VPS37B: variants seen among roughly 807,000 people sequenced by gnomAD.
The protein encoded by VPS37B is vacuolar protein sorting-associated protein 37B.
VPS37B carries 11 observed loss-of-function variants against 21.2 expected under a neutral mutation model. The observed-to-expected ratio is 0.52, with a 90% CI of 0.33 to 0.86. The LOEUF is 0.86. Among genes scored for constraint, VPS37B ranks in the 40% least tolerant of loss-of-function variants. The pLI, the probability that VPS37B is intolerant of heterozygous loss-of-function variation, is 0.03. For synonymous variants in VPS37B, 175 were observed against 159.6 expected (o/e 1.10, Z -0.73); for missense variants, 389 against 374.8 (o/e 1.04, Z -0.31).
Position 122,866,958 on chromosome 12 carries a change from C to A in VPS37B, c.*158G>T. 1 of 928,920 alleles carries A rather than the reference C, an allele frequency of 1.1e-6. No homozygotes were observed. Among genetic ancestry groups the A allele is most frequent in the Non-Finnish European group, 1.5e-6 (1 of 673,072 alleles). 57.5% of individuals were successfully genotyped at this position (928,920 alleles called of 1,614,324 possible). On this transcript the variant is annotated 3_prime_UTR_variant, in exon 4 of 4. Transcript: ENST00000267202. ...GCCTTGATGCCCAAAGCCTGGGCTC[C>A]TACTACTCACCACTGACCTACAGTT... is the stretch of plus-strand genomic sequence containing the variant.
In VPS37B at chr12:122,867,684, A is replaced by C. The variant is rs1278060491; in HGVS notation, c.367-77T>G. On this transcript the variant is annotated intron_variant, in intron 3 of 3. Transcript: ENST00000267202. The surrounding 1 kb of genome is among the most constrained non-coding windows in gnomAD (Gnocchi z 5.5). ...CCCTTCGTGGTCTAGGCACAAGGAG[A>C]GGCAACGCCCAGCTGCTTCCAACAC... 6.3e-7 allele frequency: 1 copy of C among 1,587,448 alleles called. No individual in the cohort carries two copies. Among genetic ancestry groups the C allele is most frequent in the Non-Finnish European group, 8.5e-7 (1 of 1,171,270 alleles).
chr12:122,885,692 T>A (rs1404732871), intron 1 of VPS37B: 26 of 136,676 alleles, frequency 1.9e-4, no homozygotes, highest in African/African-American at 5.8e-4. Context: ...TTTTTTTTTT[T>A]TTTTTTTTTG....
chr12:122,895,803 C>T, intron 1 of VPS37B, 149 bp downstream of exon 1: 1 of 664,972 alleles, frequency 1.5e-6, no homozygotes, highest in Non-Finnish European at 2.5e-6. Flanking sequence ...TCCCTGGCTC[C>T]CGCACCCCGC....
In VPS37B at chr12:122,895,990, C is replaced by G. The variant is rs1483947394; in HGVS notation, c.73G>C (p.Glu25Gln). ...TGCACCATCTCCGTCAGCTGGCCCT[C>G]GTCCTCCAGCAGCTCGTTGAGCTGC... ...LVQLNELLED[E>Q]GQLTEMVQKM... The change falls in exon 1 of 4, where the codon GAG becomes CAG. Residue 25 changes from glutamate (E) to glutamine (Q), a missense_variant. By Grantham distance (29) the Glu-to-Gln change is conservative. Coordinates refer to ENST00000267202, the MANE Select transcript of VPS37B (RefSeq NM_024667.3). 1 of 1,608,056 alleles carries G rather than the reference C, an allele frequency of 6.2e-7. No homozygotes were observed. Among genetic ancestry groups the G allele is most frequent in the Non-Finnish European group, 8.5e-7 (1 of 1,177,922 alleles).
chr12:122,893,706 C>T (rs1243615976), intron 1 of VPS37B, among the ~76,000 whole-genome samples: 1 of 148,696 alleles, frequency 6.7e-6, no homozygotes, highest in East Asian at 1.9e-4. Flanking sequence ...AAGCACTACA[C>T]CCAGAAAAGC....
chr12:122,887,214 A>T (rs745989299), intron 1 of VPS37B: 2 of 152,066 alleles, frequency 1.3e-5, no homozygotes, highest in Non-Finnish European at 2.9e-5. Flanking sequence ...CCTAACTCAT[A>T]TCCCAGCTTT....
intron 1 of VPS37B, chr12:122,888,763 A>G: frequency 2.9e-6 from 1 of 344,882 alleles, no homozygotes; most frequent in South Asian, 2.2e-5. Flanking sequence ...TCCTTCTCCC[A>G]ACCCACTAAT....
In VPS37B at chr12:122,866,874, C is replaced by A. The variant is rs993426253; in HGVS notation, c.*242G>T. ...AACGCTAAGATACTTAGAAATCACA[C>A]GGATAATGCAAACCGATGCAACGCA... On this transcript the variant is annotated 3_prime_UTR_variant, in exon 4 of 4. Transcript: ENST00000267202. 1 of 427,774 alleles carries A rather than the reference C, an allele frequency of 2.3e-6. No homozygotes were observed. Among genetic ancestry groups the A allele is most frequent in the Non-Finnish European group, 4.1e-6 (1 of 246,156 alleles). 26.5% of individuals were successfully genotyped at this position (427,774 alleles called of 1,614,324 possible).
intron 1 of VPS37B, chr12:122,871,863 A>G (rs962119873): frequency 2.1e-5 from 21 of 985,214 alleles, no homozygotes; most frequent in Non-Finnish European, 2.3e-5. Flanking sequence ...TAAAAAACAC[A>G]AACGCGTGGG....
At chr12:122,875,369 CCAGA>C (rs1182595572) in intron 1 of VPS37B, 5 of 151,894 alleles carry the variant, frequency 3.3e-5, no homozygotes, top group Middle Eastern at 3.2e-3. Flanking sequence ...GCCACCACAC[CCAGA>C]CAAATACAGT....
rs371992605 is a variant in VPS37B, at chr12:122,885,745, G to A, written c.111+10207C>T. 37 of 140,112 alleles carry A rather than the reference G, an allele frequency of 2.6e-4. 1 individual carries two copies. In the South Asian group the frequency reaches 5.0e-3, roughly 19 times the overall value. The allele number at this position is 140,112 out of a possible 1,614,324, so 8.7% of individuals were successfully genotyped here. ...GTCGCCCAGGCTGGAGTGCAGTGGC[G>A]CGATCTCGGCTCACTGCAAGCTCCG... On this transcript the variant is annotated intron_variant, in intron 1 of 3. Transcript: ENST00000267202.
Position 122,871,076 on chromosome 12 carries a change from C to T in VPS37B, c.112-15G>A, listed in dbSNP as rs771721255. The T allele has an allele frequency of 3.7e-6, 6 of 1,612,706 alleles. No homozygotes were observed. In the East Asian group the frequency reaches 8.9e-5, roughly 24 times the overall value. ...ACATTCTGTGTCTGCAAGGAACACA[C>T]AAGATGATGAGAACCAAAAGTATAT... On this transcript the variant is annotated splice_polypyrimidine_tract_variant and intron_variant, in intron 1 of 3. Coordinates refer to ENST00000267202, the MANE Select transcript of VPS37B (RefSeq NM_024667.3).
chr12:122,891,871 A>AT (rs2034416727), intron 1 of VPS37B, among the ~76,000 whole-genome samples: 1 of 152,182 alleles, frequency 6.6e-6, no homozygotes, highest in African/African-American at 2.4e-5. Flanking sequence ...CCACAAAACA[A>AT]CCTGTCTTTC....
intron 2 of VPS37B, 191 bp downstream of exon 2, chr12:122,870,699 C>T: frequency 1.8e-6 from 1 of 566,128 alleles, no homozygotes; most frequent in South Asian, 2.5e-5. Flanking sequence ...CACTGCACTC[C>T]AGTCTGACAG....
In VPS37B at chr12:122,867,440, G is replaced by A. The variant is rs2033929079; in HGVS notation, c.534C>T (p.Pro178=). The A allele has an allele frequency of 6.2e-7, 1 of 1,612,430 alleles. No individual in the cohort carries two copies. The highest frequency in any genetic ancestry group is 1.3e-5 in the African/African-American group (1 of 74,746). The part of the protein sequence containing the change: ...RLPQALAPLP[P]RLPELAPTAP... ...CGGTAGGTGCCAGTTCGGGCAGCCT[G>A]GGGGGCAGCGGGGCCAGGGCCTGTG... is the stretch of plus-strand genomic sequence containing the variant. The change falls in exon 4 of 4, where the codon CCC becomes CCT. Residue 178 remains proline (P), a synonymous_variant. Transcript: ENST00000267202. The surrounding 1 kb of genome is among the most constrained non-coding windows in gnomAD (Gnocchi z 5.5).
Position 122,895,954 on chromosome 12 carries a change from C to T in VPS37B, c.109G>A (p.Glu37Lys). 1.9e-6 allele frequency: 3 copies of T among 1,611,574 alleles called. No homozygotes were observed. Among genetic ancestry groups the T allele is most frequent in the Non-Finnish European group, 2.5e-6 (3 of 1,178,928 alleles). The change falls in exon 1 of 4, where the codon GAG becomes AAG. Residue 37 changes from glutamate (E) to lysine (K), a missense_variant and splice_region_variant. Physicochemically the swap from Glu to Lys is moderately conservative, Grantham distance 56 (BLOSUM62 1). Coordinates refer to ENST00000267202, the MANE Select transcript of VPS37B (RefSeq NM_024667.3). ...QLTEMVQKME[E>K]TQNVQLNKEM... ...GCCTTAAGCCCAGCTCGGCTCACCT[C>T]CTCCATCTTCTGCACCATCTCCGTC...
rs762296816 is a variant in VPS37B, at chr12:122,896,038, G to A, written c.25C>T (p.Arg9Trp). The A allele has an allele frequency of 1.0e-5, 16 of 1,587,342 alleles. No individual in the cohort carries two copies. In the Admixed American group the frequency reaches 2.2e-4, roughly 22 times the overall value. MAGAGSEA[R>W]FAGLSLVQLN... Reference sequence around the variant, plus strand: ...TGCACCAGCGACAGCCCGGCGAACCGGGCTTCGCTCCCGGCGCCCGCCATC... The same window carrying A: ...TGCACCAGCGACAGCCCGGCGAACCAGGCTTCGCTCCCGGCGCCCGCCATC... The change falls in exon 1 of 4, where the codon CGG (arginine) becomes TGG (tryptophan). Residue 9 changes from arginine (R) to tryptophan (W), a missense_variant. Transcript: ENST00000267202.
chr12:122,892,025 G>A (rs1430894106), intron 1 of VPS37B, among the ~76,000 whole-genome samples: 7 of 152,102 alleles, frequency 4.6e-5, no homozygotes, highest in Admixed American at 2.0e-4. Flanking sequence ...CAAGAGGTCC[G>A]GTTTAGTTGC....
At chr12:122,883,107 A>G (rs958794668) in intron 1 of VPS37B, 3 of 152,264 alleles carry the variant, frequency 2.0e-5, no homozygotes, top group African/African-American at 7.2e-5. Context: ...CTCAGGAAGG[A>G]AACTTACCAG....
Sources: allele counts gnomAD v4.1 joint callset (sites outside exome capture counted in the v4.1 genomes callset), GRCh38; gene constraint gnomAD v4.1.1; non-coding constraint Gnocchi (gnomAD v3.1); transcripts MANE v1.5; gene names NCBI Gene and HGNC (gene_info 2026-07-23, HGNC 2026-07-21).